The following SEMA6A variants were observed in gnomAD, a reference collection of about 807,000 sequenced individuals.
SEMA6A encodes the protein semaphorin 6A.
Under a neutral mutation model 96.8 loss-of-function variants are expected in SEMA6A, and 25 were observed. That is an observed-to-expected ratio of 0.26 (90% CI 0.19 to 0.36). The LOEUF is 0.36. Ranked by LOEUF, SEMA6A falls within the 10% of genes least tolerant of loss-of-function variation. The pLI is 1.00. For missense variants in SEMA6A, 1,363 were observed against 1,323.1 expected (o/e 1.03, Z -0.47); for synonymous variants, 612 against 518.0 (o/e 1.18, Z -2.46).
intron 1 of SEMA6A, among the ~76,000 whole-genome samples, chr5:116,531,453 G>A (rs936510955): frequency 6.6e-6 from 1 of 152,050 alleles, no homozygotes; most frequent in African/African-American, 2.4e-5. Flanking sequence ...AGGCCCTCCT[G>A]TTCGACTGGA....
intron 18 of SEMA6A, 142 bp from the exon 19 acceptor site, chr5:116,447,953 C>T (rs1754360034): frequency 1.4e-6 from 1 of 708,412 alleles, no homozygotes; most frequent in East Asian, 2.7e-5. Flanking sequence ...GCTCAGCTTG[C>T]CAAACATTAA....
At chr5:116,498,495 C>A (rs1186289582) in intron 3 of SEMA6A, 1 of 149,294 alleles carries the variant, frequency 6.7e-6, no homozygotes, top group African/African-American at 2.5e-5. Flanking sequence ...CAGGCCGACT[C>A]ACGTGAATAT....
chr5:116,549,047 A>T lies in SEMA6A; in HGVS notation c.-39+25138T>A, dbSNP rs185787034. On this transcript the variant is annotated intron_variant, in intron 1 of 18. Transcript: ENST00000343348. Reference sequence around the variant, plus strand: ...AGGCTCTCTGATGAATCAACGAAAAATACAAATAAAAATCACTGTAAGCAA... The same window carrying T: ...AGGCTCTCTGATGAATCAACGAAAATTACAAATAAAAATCACTGTAAGCAA... Among the ~76,000 whole-genome samples, 790 of 152,302 alleles carry T rather than the reference A, an allele frequency of 5.2e-3. 4 individuals carry two copies. Among genetic ancestry groups the T allele is most frequent in the African/African-American group, 0.018 (761 of 41,552 alleles).
intron 10 of SEMA6A, 133 bp downstream of exon 10, chr5:116,486,609 CTAAGTGT>C: frequency 1.5e-6 from 1 of 658,680 alleles, no homozygotes; most frequent in Non-Finnish European, 2.7e-6. Context: ...TTGATGAAAA[CTAAGTGT>C]TAAGTGCTTC....
chr5:116,461,319 C>A (rs1261151667), intron 18 of SEMA6A, among the ~76,000 whole-genome samples: 2 of 152,152 alleles, frequency 1.3e-5, no homozygotes, highest in Non-Finnish European at 2.9e-5. Flanking sequence ...AAAACCCTTA[C>A]CCTCCCATTA....
At chr5:116,545,527 G>A (rs750216215) in intron 1 of SEMA6A, among the ~76,000 whole-genome samples, 22 of 152,054 alleles carry the variant, frequency 1.4e-4, no homozygotes, top group African/African-American at 2.2e-4. Flanking sequence ...CCGAGATTGC[G>A]CCATTGCACT....
At chr5:116,559,111 G>A (rs1240419933) in intron 1 of SEMA6A, among the ~76,000 whole-genome samples, 2 of 152,052 alleles carry the variant, frequency 1.3e-5, no homozygotes, top group African/African-American at 4.8e-5. Flanking sequence ...CCTCCTATTA[G>A]CCACCTCATA....
intron 1 of SEMA6A, among the ~76,000 whole-genome samples, chr5:116,558,871 C>A (rs1395811808): frequency 2.0e-5 from 3 of 152,196 alleles, no homozygotes; most frequent in Admixed American, 6.5e-5. Flanking sequence ...GAGACAAACA[C>A]TCATATAAAT....
chr5:116,465,254 TC>T (rs2112639916), intron 18 of SEMA6A, among the ~76,000 whole-genome samples: 1 of 152,252 alleles, frequency 6.6e-6, no homozygotes, highest in East Asian at 1.9e-4. Flanking sequence ...ACAAGACTTT[TC>T]CAACGGAGTA....
chr5:116,496,966 A>G (rs1441516997), intron 4 of SEMA6A, among the ~76,000 whole-genome samples: 1 of 152,256 alleles, frequency 6.6e-6, no homozygotes, highest in Non-Finnish European at 1.5e-5. Context: ...ATACTGCAAG[A>G]CATGGAAATA....
intron 18 of SEMA6A, among the ~76,000 whole-genome samples, chr5:116,454,791 T>TGG (rs998587773): frequency 4.3e-5 from 2 of 46,566 alleles, no homozygotes; most frequent in Non-Finnish European, 7.4e-5. Context: ...TTCCTTTAAG[T>TGG]GTGTGTGTGT....
At chr5:116,572,738 C>A (rs891922449) in intron 1 of SEMA6A, among the ~76,000 whole-genome samples, 6 of 152,188 alleles carry the variant, frequency 3.9e-5, no homozygotes, top group Non-Finnish European at 8.8e-5. Flanking sequence ...CAGGAGGTTC[C>A]ACTCTCCAAA....
intron 1 of SEMA6A, among the ~76,000 whole-genome samples, chr5:116,509,224 A>T (rs1758287863): frequency 6.6e-6 from 1 of 152,220 alleles, no homozygotes; most frequent in African/African-American, 2.4e-5. Context: ...CGTGAAAAAT[A>T]ATATATCTGG....
chr5:116,540,935 C>T (rs151101938), intron 1 of SEMA6A, among the ~76,000 whole-genome samples: 7 of 152,262 alleles, frequency 4.6e-5, no homozygotes, highest in Admixed American at 1.3e-4. Flanking sequence ...CAATACTGAA[C>T]TGATGTCAAA....
chr5:116,549,647 A>AC (rs1361896694), intron 1 of SEMA6A, among the ~76,000 whole-genome samples: 1 of 152,202 alleles, frequency 6.6e-6, no homozygotes, highest in African/African-American at 2.4e-5. Context: ...TTCTCTTCTA[A>AC]CAAGGCATAC....
At chr5:116,516,251 T>C (rs1329121669) in intron 1 of SEMA6A, among the ~76,000 whole-genome samples, 1 of 151,462 alleles carries the variant, frequency 6.6e-6, no homozygotes. Context: ...GACTGGTGCT[T>C]ATCATCAGTA....
At chr5:116,518,073 T>G (rs917001829) in intron 1 of SEMA6A, among the ~76,000 whole-genome samples, 8 of 152,192 alleles carry the variant, frequency 5.3e-5, no homozygotes, top group African/African-American at 1.9e-4. Context: ...AATTTTCTTT[T>G]GATGAATAAC....
At chr5:116,559,261 C>T (rs1561536517) in intron 1 of SEMA6A, among the ~76,000 whole-genome samples, 2 of 152,190 alleles carry the variant, frequency 1.3e-5, no homozygotes, top group South Asian at 4.1e-4. Context: ...AAGATTCTCT[C>T]CCCCAGCCTG....
At chr5:116,522,896 G>T (rs752740287) in intron 1 of SEMA6A, among the ~76,000 whole-genome samples, 1 of 152,272 alleles carries the variant, frequency 6.6e-6, no homozygotes, top group African/African-American at 2.4e-5. Context: ...AGCTGAATGA[G>T]TGTCCTCCCC....
Sources: allele counts gnomAD v4.1 joint callset (sites outside exome capture counted in the v4.1 genomes callset), GRCh38; gene constraint gnomAD v4.1.1; transcripts MANE v1.5; gene names NCBI Gene and HGNC (gene_info 2026-07-23, HGNC 2026-07-21).